SPATA16: variants seen among roughly 807,000 people sequenced by gnomAD.
SPATA16 encodes the protein spermatogenesis associated 16, also known as spermatogenesis-associated protein 16.
A neutral mutation model predicts 63.3 loss-of-function variants in SPATA16; 36 were observed. The ratio of observed to expected loss-of-function variants is 0.57; its 90% CI spans 0.44 to 0.75. The LOEUF (loss-of-function observed/expected upper bound fraction) is 0.75, where lower values mean the gene tolerates loss of function less well. Ranked by LOEUF, SPATA16 falls within the 30% of genes least tolerant of loss-of-function variation. The pLI, the probability that SPATA16 is intolerant of heterozygous loss-of-function variation, is 0.00. For synonymous variants in SPATA16, 203 were observed against 216.7 expected (o/e 0.94, Z 0.56); for missense variants, 646 against 679.3 (o/e 0.95, Z 0.54).
chr3:172,986,119 G>T (rs1218021664), intron 4 of SPATA16, among the ~76,000 whole-genome samples: 5 of 152,160 alleles, frequency 3.3e-5, no homozygotes, highest in Non-Finnish European at 4.4e-5. Flanking sequence ...GTATGGGTTT[G>T]TAAGTGGTGT....
At chr3:172,996,025 CTT>C (rs2108263516) in intron 4 of SPATA16, among the ~76,000 whole-genome samples, 2 of 152,180 alleles carry the variant, frequency 1.3e-5, no homozygotes, top group South Asian at 4.1e-4. Flanking sequence ...TCTCTCCAAT[CTT>C]TGACATTTCC....
chr3:172,949,498 T>C (rs1419468127), intron 6 of SPATA16, among the ~76,000 whole-genome samples: 1 of 152,196 alleles, frequency 6.6e-6, no homozygotes, highest in Non-Finnish European at 1.5e-5. Flanking sequence ...AATTGTTATA[T>C]ACTACTGAGA....
intron 10 of SPATA16, among the ~76,000 whole-genome samples, chr3:172,901,070 C>G (rs1732117381): frequency 6.6e-6 from 1 of 151,936 alleles, no homozygotes; most frequent in Non-Finnish European, 1.5e-5. Flanking sequence ...TCTAAAATTT[C>G]TATTTAGTTT....
chr3:172,947,699 G>A (rs757980332), intron 6 of SPATA16, among the ~76,000 whole-genome samples: 19 of 152,102 alleles, frequency 1.2e-4, no homozygotes, highest in Admixed American at 2.6e-4. Flanking sequence ...AACACCGCAC[G>A]TTCTCACATA....
At chr3:172,926,998 T>G (rs1732751725) in intron 6 of SPATA16, among the ~76,000 whole-genome samples, 1 of 152,220 alleles carries the variant, frequency 6.6e-6, no homozygotes, top group African/African-American at 2.4e-5. Context: ...AAATGGTAAT[T>G]GTTCAAATAT....
chr3:173,121,405 T>C (rs1259256576), intron 1 of SPATA16, among the ~76,000 whole-genome samples: 1 of 152,222 alleles, frequency 6.6e-6, no homozygotes, highest in Non-Finnish European at 1.5e-5. Context: ...ACATCTTGTT[T>C]ATTCCAAAAG....
rs79252106 is a variant in SPATA16, at chr3:172,981,456, A to G, written c.849-4404T>C. 2.9e-3 allele frequency among the ~76,000 whole-genome samples: 448 copies of G among 152,238 alleles called. 5 individuals carry two copies. The highest frequency in any genetic ancestry group is 0.01 in the African/African-American group (429 of 41,530). On this transcript the variant is annotated intron_variant, in intron 4 of 10. Transcript: ENST00000351008. The stretch of plus-strand genomic sequence containing the variant: ...ATGTTGCTTCTCTGACCTCATTTTC[A>G]ACTACCTTCTTAGCTCACTCTGCTC...
rs143082005 is a variant in SPATA16 at position 173,081,533 on chromosome 3, G to C, written c.613-32439C>G. ...ACTTCCATTGAATCGTTAAAGAGGA[G>C]AGTTTGTGATAAATGAATGTGTATT... is the stretch of plus-strand genomic sequence containing the variant. On this transcript the variant is annotated intron_variant, in intron 2 of 10. Coordinates refer to ENST00000351008, the MANE Select transcript of SPATA16 (RefSeq NM_031955.6). 4.9e-3 allele frequency among the ~76,000 whole-genome samples: 743 copies of C among 152,246 alleles called. 4 individuals are homozygous for C. The highest frequency in any genetic ancestry group is 0.017 in the African/African-American group (712 of 41,566).
At chr3:172,922,646 C>T (rs1239480704) in intron 8 of SPATA16, among the ~76,000 whole-genome samples, 2 of 152,154 alleles carry the variant, frequency 1.3e-5, no homozygotes, top group Non-Finnish European at 2.9e-5. Context: ...CCTGGCCAGG[C>T]ATGGTAGCTT....
chr3:172,948,552 T>C (rs1733350827), intron 6 of SPATA16, among the ~76,000 whole-genome samples: 1 of 152,098 alleles, frequency 6.6e-6, no homozygotes, highest in Non-Finnish European at 1.5e-5. Flanking sequence ...ACTGCAGCCT[T>C]GACCTCCTAG....
chr3:173,128,044 T>A (rs1043621657), intron 1 of SPATA16, among the ~76,000 whole-genome samples: 1 of 152,194 alleles, frequency 6.6e-6, no homozygotes, highest in Non-Finnish European at 1.5e-5. Context: ...AATAAATTTT[T>A]AGCATTGGAA....
chr3:173,048,869 A>C, intron 3 of SPATA16, 80 bp downstream of exon 3: 1 of 1,525,266 alleles, frequency 6.6e-7, no homozygotes, highest in Non-Finnish European at 9.1e-7. Flanking sequence ...AATAAGATGG[A>C]AGGTGATCAG....
intron 4 of SPATA16, among the ~76,000 whole-genome samples, chr3:173,017,174 G>T (rs1222231382): frequency 6.6e-6 from 1 of 152,128 alleles, no homozygotes; most frequent in Non-Finnish European, 1.5e-5. Flanking sequence ...AATTGCTAAA[G>T]AAACCAAGAT....
intron 10 of SPATA16, among the ~76,000 whole-genome samples, chr3:172,904,145 T>C (rs1732185906): frequency 1.3e-5 from 2 of 152,250 alleles, no homozygotes; most frequent in East Asian, 1.9e-4. Context: ...GTCTCTCTTA[T>C]AGGGTTGTTG....
At chr3:173,061,414 A>G (rs1736375331) in intron 2 of SPATA16, among the ~76,000 whole-genome samples, 1 of 152,190 alleles carries the variant, frequency 6.6e-6, no homozygotes, top group African/African-American at 2.4e-5. Context: ...TTTGGTTTTC[A>G]GAAATTTCAC....
At chr3:173,053,097 T>A (rs1257938838) in intron 2 of SPATA16, among the ~76,000 whole-genome samples, 1 of 152,220 alleles carries the variant, frequency 6.6e-6, no homozygotes, top group African/African-American at 2.4e-5. Flanking sequence ...GCCTCATCCC[T>A]GTAATACCTG....
chr3:172,981,478 G>A (rs1734317722), intron 4 of SPATA16, among the ~76,000 whole-genome samples: 1 of 152,116 alleles, frequency 6.6e-6, no homozygotes, highest in African/African-American at 2.4e-5. Context: ...AGCTCACTCT[G>A]CTCCTGACAG....
chr3:172,902,959 A>G (rs1732152820), intron 10 of SPATA16, among the ~76,000 whole-genome samples: 1 of 152,208 alleles, frequency 6.6e-6, no homozygotes, highest in African/African-American at 2.4e-5. Context: ...CCCAGAGATG[A>G]AAGGTATAAT....
At chr3:173,051,235 C>A (rs1464435949) in intron 2 of SPATA16, among the ~76,000 whole-genome samples, 1 of 152,166 alleles carries the variant, frequency 6.6e-6, no homozygotes. Context: ...CAGAGTCTGG[C>A]TGTGTCTCCC....
Sources: gnomAD v4.1 joint callset for allele counts (sites outside exome capture counted in the v4.1 genomes callset) on GRCh38, gnomAD v4.1.1 for gene constraint, MANE v1.5 for transcripts, NCBI Gene and HGNC (gene_info 2026-07-23, HGNC 2026-07-21) for gene names.